IMMT: variants seen among roughly 807,000 people sequenced by gnomAD.
IMMT encodes the protein inner membrane mitochondrial protein.
A neutral mutation model predicts 92.7 loss-of-function variants in IMMT; 40 were observed. That is an observed-to-expected ratio of 0.43 (90% CI 0.34 to 0.56). IMMT has a LOEUF of 0.56. Ranked by LOEUF, IMMT falls within the 20% of genes least tolerant of loss-of-function variation. The probability of loss-of-function intolerance (pLI) is 0.03; values close to 1 mark genes in which losing one functional copy is unlikely to be tolerated. For missense variants in IMMT, 831 were observed against 912.1 expected, an observed-to-expected ratio of 0.91 and a Z score of 1.14; for synonymous variants, 322 against 336.1, an observed-to-expected ratio of 0.96 and a Z score of 0.46.
Position 86,169,683 on chromosome 2 carries a change from T to G in IMMT, c.655+1066A>C, listed in dbSNP as rs578038686. On this transcript the variant is annotated intron_variant, in intron 6 of 14. Coordinates refer to ENST00000410111, the MANE Select transcript of IMMT (RefSeq NM_006839.3). ...AGACAGAAAAATAAATTGATAAATA[T>G]CTATTATCTTTTTTAAACCATCAAA... Among the ~76,000 whole-genome samples the G allele has an allele frequency of 4.7e-5, 7 of 148,894 alleles. 1 individual carries two copies. Among genetic ancestry groups the G allele is most frequent in the Admixed American group, 1.3e-4 (2 of 15,130 alleles).
chr2:86,190,523 T>C (rs1475527374), intron 1 of IMMT, among the ~76,000 whole-genome samples: 1 of 152,190 alleles, frequency 6.6e-6, no homozygotes, highest in East Asian at 1.9e-4. Context: ...CAATGACCAC[T>C]TCAAAAAGGC....
At chr2:86,194,592 C>T (rs920305549) in intron 1 of IMMT, among the ~76,000 whole-genome samples, 1 of 152,174 alleles carries the variant, frequency 6.6e-6, no homozygotes. Flanking sequence ...GCAGTGGAAA[C>T]AGGCTTTTTA....
intron 3 of IMMT, among the ~76,000 whole-genome samples, chr2:86,176,474 T>C (rs932299552): frequency 5.9e-5 from 9 of 152,066 alleles, no homozygotes; most frequent in Non-Finnish European, 1.3e-4. Flanking sequence ...ACAATTTGGA[T>C]ATGAAGTGAT....
At chr2:86,147,626 G>A (rs1675118952) in intron 13 of IMMT, 76 bp downstream of exon 13, 3 of 1,426,798 alleles carry the variant, frequency 2.1e-6, no homozygotes, top group African/African-American at 2.9e-5. Context: ...CATCCTCAGA[G>A]TACATTAAAA....
chr2:86,167,926 A>G (rs2105143954), intron 6 of IMMT, among the ~76,000 whole-genome samples: 1 of 152,340 alleles, frequency 6.6e-6, no homozygotes, highest in South Asian at 2.1e-4. Context: ...TGTGGCTATA[A>G]ACTCAACAAA....
chr2:86,146,060 A>C lies in IMMT; in HGVS notation c.1663+8T>G. ...ATTATCTGTAAGATAAACATAGCTT[A>C]TGCTTACTCTGAACAGCCTGTTCGA... On this transcript the variant is annotated splice_region_variant and intron_variant, in intron 14 of 14. Transcript: ENST00000410111. 6.5e-7 allele frequency: 1 copy of C among 1,536,676 alleles called. No individual in the cohort carries two copies. The highest frequency in any genetic ancestry group is 8.8e-7 in the Non-Finnish European group (1 of 1,134,336).
At chr2:86,175,916 C>G (rs958819354) in intron 3 of IMMT, among the ~76,000 whole-genome samples, 1 of 152,146 alleles carries the variant, frequency 6.6e-6, no homozygotes, top group Non-Finnish European at 1.5e-5. Context: ...TGAGTTCTAT[C>G]TTTAAGCATG....
chr2:86,184,817 T>C (rs901537141), intron 1 of IMMT, among the ~76,000 whole-genome samples: 4 of 152,070 alleles, frequency 2.6e-5, no homozygotes, highest in Admixed American at 2.0e-4. Context: ...AAAACTGTCA[T>C]CTGTAATGAC....
intron 2 of IMMT, 117 bp from the exon 3 acceptor site, chr2:86,179,739 G>A (rs561579420): frequency 4.0e-4 from 282 of 708,156 alleles, no homozygotes; most frequent in Admixed American, 9.8e-4. Context: ...CACTAATTCA[G>A]ATCATAGCAG....
intron 11 of IMMT, among the ~76,000 whole-genome samples, chr2:86,152,440 CAAAA>C (rs772186185): frequency 9.1e-5 from 7 of 76,848 alleles, no homozygotes; most frequent in Admixed American, 6.6e-4. Flanking sequence ...GACTCCATCT[CAAAA>C]AAAAAAAAAA....
At chr2:86,157,710 C>A (rs906800883) in intron 10 of IMMT, among the ~76,000 whole-genome samples, 1 of 147,408 alleles carries the variant, frequency 6.8e-6, no homozygotes, top group African/African-American at 2.5e-5. Flanking sequence ...ATTGCTTGAA[C>A]GTGGGAGGCG....
intron 1 of IMMT, 62 bp from the exon 2 acceptor site, chr2:86,181,434 T>C: frequency 8.9e-7 from 1 of 1,126,114 alleles, no homozygotes; most frequent in South Asian, 1.3e-5. Flanking sequence ...CTTTTAGGGT[T>C]GGTAATACAG....
chr2:86,179,584 A>G lies in IMMT; in HGVS notation c.158T>C (p.Phe53Ser), dbSNP rs372519627. The change falls in exon 3 of 15, where the codon TTT becomes TCT. Residue 53 changes from phenylalanine (F) to serine (S), a missense_variant. Coordinates refer to ENST00000410111, the MANE Select transcript of IMMT (RefSeq NM_006839.3). ...TGKIAGAGLLFVGGGIGGTIL... is the reference protein window; with the variant it reads ...TGKIAGAGLLSVGGGIGGTIL... Reference sequence around the variant, plus strand: ...AGTGCCACCAATACCTCCACCAACAAACAAAAGGCCAGCTCCAGCAATTTT... The same window carrying G: ...AGTGCCACCAATACCTCCACCAACAGACAAAAGGCCAGCTCCAGCAATTTT... The G allele has an allele frequency of 1.1e-5, 17 of 1,601,696 alleles. No individual in the cohort carries two copies. Among genetic ancestry groups the G allele is most frequent in the Non-Finnish European group, 1.3e-5 (15 of 1,176,808 alleles).
chr2:86,191,979 C>T (rs1673157212), intron 1 of IMMT, among the ~76,000 whole-genome samples: 1 of 152,076 alleles, frequency 6.6e-6, no homozygotes, highest in African/African-American at 2.4e-5. Flanking sequence ...CGCCTGTAAT[C>T]CCAGCACTTT....
intron 7 of IMMT, 107 bp downstream of exon 7, chr2:86,166,401 G>A (rs950638932): frequency 5.4e-6 from 5 of 925,234 alleles, no homozygotes; most frequent in African/African-American, 3.3e-5. Flanking sequence ...GATATCATAC[G>A]GAAGAAAGCA....
At chr2:86,146,676 C>A (rs548663532) in intron 13 of IMMT, among the ~76,000 whole-genome samples, 4 of 151,924 alleles carry the variant, frequency 2.6e-5, no homozygotes, top group Non-Finnish European at 4.4e-5. Context: ...GTATATAATT[C>A]TTTACAGGTT....
At chr2:86,157,469 T>C (rs1040744390) in intron 10 of IMMT, among the ~76,000 whole-genome samples, 1 of 152,110 alleles carries the variant, frequency 6.6e-6, no homozygotes, top group Non-Finnish European at 1.5e-5. Context: ...AGAAGTCTGC[T>C]TTCTAACAAA....
At chr2:86,171,457 CA>C in intron 4 of IMMT, 112 bp from the exon 5 acceptor site, 1 of 942,528 alleles carries the variant, frequency 1.1e-6, no homozygotes, top group South Asian at 1.4e-5. Context: ...CTTAGAGACA[CA>C]AATATTTGTA....
In IMMT at chr2:86,147,722, A is replaced by C. The variant is rs375971231; in HGVS notation, c.1513T>G (p.Leu505Val). ...CTCACCTGCTCAAATTCAGACTTCAATTCCTGTTCTTGTACCCTAAGGACA... is the reference window on the plus strand; with the variant it reads ...CTCACCTGCTCAAATTCAGACTTCACTTCCTGTTCTTGTACCCTAAGGACA... ...RDVLRVQEQE[L>V]KSEFEQNLSE... Residue 505 changes from leucine to valine, a missense_variant, in exon 13 of 15, where the codon TTG becomes GTG. By Grantham distance (32) the Leu-to-Val change is conservative. Coordinates refer to ENST00000410111, the MANE Select transcript of IMMT (RefSeq NM_006839.3). 6 of 1,613,488 alleles carry C rather than the reference A, an allele frequency of 3.7e-6. No homozygotes were observed. The highest frequency in any genetic ancestry group is 1.1e-5 in the South Asian group (1 of 90,968).
Sources: gnomAD v4.1 joint callset for allele counts (sites outside exome capture counted in the v4.1 genomes callset) on GRCh38, gnomAD v4.1.1 for gene constraint, MANE v1.5 for transcripts, NCBI Gene and HGNC (gene_info 2026-07-23, HGNC 2026-07-21) for gene names.